Variants in PLXND1 observed in about 807,000 individuals in gnomAD.
The protein encoded by PLXND1 is plexin-D1.
In PLXND1, 54 loss-of-function variants were observed where a neutral mutation model predicts 197.7. That is an observed-to-expected ratio of 0.27 (90% CI 0.22 to 0.34). The LOEUF is 0.34. Among genes scored for constraint, PLXND1 ranks in the 10% least tolerant of loss-of-function variants. The pLI is 1.00. For missense variants in PLXND1, 2,127 were observed against 2,699.2 expected (o/e 0.79, Z 4.70); for synonymous variants, 1,180 against 1,161.2 (o/e 1.02, Z -0.33).
At chr3:129,561,405 C>CA (rs953785993) in intron 29 of PLXND1, among the ~76,000 whole-genome samples, 5 of 152,222 alleles carry the variant, frequency 3.3e-5, no homozygotes, top group Non-Finnish European at 7.4e-5. Flanking sequence ...CCTGGAACTG[C>CA]ATCCCGCCCT....
rs757881018 is a variant in PLXND1, at chr3:129,606,601, G to A, written c.39C>T (p.Ala13=). 8.3e-7 allele frequency: 1 copy of A among 1,199,836 alleles called. No homozygotes were observed. Among genetic ancestry groups the A allele is most frequent in the Non-Finnish European group, 1.0e-6 (1 of 967,976 alleles). The allele number at this position is 1,199,836 out of a possible 1,614,324, so 74.3% of individuals were successfully genotyped here. Residue 13 remains alanine (A), a synonymous_variant, in exon 1 of 36, where the codon GCC becomes GCT. Coordinates refer to ENST00000324093, the MANE Select transcript of PLXND1 (RefSeq NM_015103.3). ...PRAAGGAPLS[A]RAAAASPPPF... ...GCGGGGGGCTGGCGGCGGCGGCCCG[G>A]GCGCTAAGGGGTGCGCCGCCCGCGG... is the stretch of plus-strand genomic sequence containing the variant.
chr3:129,566,511 G>C lies in PLXND1; in HGVS notation c.4191+16C>G. 6.6e-7 allele frequency: 1 copy of C among 1,508,394 alleles called. No homozygotes were observed. Among genetic ancestry groups the C allele is most frequent in the Admixed American group, 1.7e-5 (1 of 59,878 alleles). 93.4% of individuals were successfully genotyped at this position (1,508,394 alleles called of 1,614,324 possible). A position where few individuals can be genotyped will look rare whatever the true frequency, so the allele number is the denominator to read the frequency against. The stretch of plus-strand genomic sequence containing the variant: ...CCCTGAAGCAGCCCACTGTGTGTGG[G>C]TCGTGGGGTACTCACCTTCCACTCT... On this transcript the variant is annotated intron_variant, in intron 23 of 35. Coordinates refer to ENST00000324093, the MANE Select transcript of PLXND1 (RefSeq NM_015103.3).
intron 10 of PLXND1, 85 bp downstream of exon 10, chr3:129,575,679 TAG>T: frequency 1.6e-6 from 2 of 1,223,186 alleles, no homozygotes; most frequent in Non-Finnish European, 2.4e-6. Context: ...AACCAGAAGG[TAG>T]AGAGAGGCAG....
chr3:129,604,234 A>G (rs1263461276), intron 1 of PLXND1, among the ~76,000 whole-genome samples: 1 of 150,318 alleles, frequency 6.7e-6, no homozygotes, highest in Non-Finnish European at 1.5e-5. Context: ...CCCCCAAAAC[A>G]CCCCTGTTCA....
rs1350244663 is a variant in PLXND1, at chr3:129,567,398, C to T, written c.4086+94G>A. 7 of 757,076 alleles carry T rather than the reference C, an allele frequency of 9.2e-6. No individual in the cohort carries two copies. The South Asian group carries it at 1.1e-4, about 12-fold the overall frequency. 46.9% of individuals were successfully genotyped at this position (757,076 alleles called of 1,614,324 possible). A position where few individuals can be genotyped will look rare whatever the true frequency, so the allele number is the denominator to read the frequency against. On this transcript the variant is annotated intron_variant, in intron 22 of 35. Coordinates refer to ENST00000324093, the MANE Select transcript of PLXND1 (RefSeq NM_015103.3). ...GGACAGCTGTGCAGGTTTGGCACTG[C>T]TCAAGGGACCCTATAGGCTGGCAGG...
intron 2 of PLXND1, 41 bp downstream of exon 2, chr3:129,589,310 T>TGGCCCCCCCCCC: frequency 1.0e-5 from 5 of 501,286 alleles, no homozygotes; most frequent in Non-Finnish European, 1.5e-5. Context: ...CAGGGGAGCC[T>TGGCCCCCCCCCC]CCCACCCCCA....
At position 129,577,437 on chromosome 3, in the gene PLXND1, C is replaced by T. The variant is rs1246381615; in HGVS notation, c.2346+892G>A. Among the ~76,000 whole-genome samples, 2 of 130,988 alleles carry T rather than the reference C, an allele frequency of 1.5e-5. No individual in the cohort carries two copies. Among genetic ancestry groups the T allele is most frequent in the Non-Finnish European group, 3.2e-5 (2 of 62,444 alleles). The allele number at this position is 130,988 out of a possible 152,430, so 85.9% of individuals were successfully genotyped here. A position where few individuals can be genotyped will look rare whatever the true frequency, so the allele number is the denominator to read the frequency against. ...CCAGCCCCCTGGCTGATCCTGGAGGCGCTTGCCCCAACTCCTGCAGGGTGG... is the reference window on the plus strand; with the variant it reads ...CCAGCCCCCTGGCTGATCCTGGAGGTGCTTGCCCCAACTCCTGCAGGGTGG... On this transcript the variant is annotated intron_variant, in intron 9 of 35. Coordinates refer to ENST00000324093, the MANE Select transcript of PLXND1 (RefSeq NM_015103.3). This position sits in a 1 kb window ranked among gnomAD's most constrained non-coding sequence, Gnocchi z 5.0.
intron 1 of PLXND1, among the ~76,000 whole-genome samples, chr3:129,595,358 G>A (rs1363183627): frequency 6.6e-6 from 1 of 152,230 alleles, no homozygotes; most frequent in African/African-American, 2.4e-5. Context: ...ACTCGGTCCT[G>A]GGTGGCCTCT....
chr3:129,562,991 CTA>C (rs776271383), intron 26 of PLXND1, 48 bp from the exon 27 acceptor site: 19 of 1,606,298 alleles, frequency 1.2e-5, no homozygotes, highest in Non-Finnish European at 1.6e-5. Context: ...GCTGCCATCA[CTA>C]TGTCAGTGCC....
At chr3:129,575,705 G>GT in intron 10 of PLXND1, 61 bp downstream of exon 10, 3 of 1,310,190 alleles carry the variant, frequency 2.3e-6, no homozygotes, top group Non-Finnish European at 3.3e-6. Context: ...GGGGTGAGGG[G>GT]TACAGCATCT....
chr3:129,566,734 A>C (rs2285363), intron 22 of PLXND1, 103 bp from the exon 23 acceptor site: 43,501 of 671,680 alleles, frequency 0.065, 3,066 homozygotes, highest in African/African-American at 0.27. Context: ...CTGCTGGGGG[A>C]AACTGGCACG....
chr3:129,578,431 G>GCTCT lies in PLXND1; in HGVS notation c.2242-2_2243dup (p.Ser748ArgfsTer43). ...GCAGGGTCCGGGGGCAGTCCTGAGGGCTCTGCAGAGGAAACAGAAGGAGAG... is the reference window on the plus strand; with the variant it reads ...GCAGGGTCCGGGGGCAGTCCTGAGGGCTCTCTCTGCAGAGGAAACAGAAGGAGAG... On this transcript the variant is annotated frameshift_variant and splice_region_variant, in exon 9 of 36. Coordinates refer to ENST00000324093, the MANE Select transcript of PLXND1 (RefSeq NM_015103.3). LOFTEE classifies it high-confidence loss of function. The GCTCT allele has an allele frequency of 6.3e-7, 1 of 1,577,794 alleles. No individual in the cohort carries two copies. Among genetic ancestry groups the GCTCT allele is most frequent in the Non-Finnish European group, 8.6e-7 (1 of 1,159,372 alleles).
chr3:129,583,041 A>T (rs1421202863), intron 8 of PLXND1, among the ~76,000 whole-genome samples: 3 of 152,062 alleles, frequency 2.0e-5, no homozygotes, highest in African/African-American at 7.2e-5. Flanking sequence ...GGCCCTTTCC[A>T]CCCAGTTCCT....
rs368004712 is a variant in PLXND1 at position 129,572,890 on chromosome 3, G to T, written c.2889C>A (p.Thr963=). 5.0e-6 allele frequency: 8 copies of T among 1,613,872 alleles called. No individual in the cohort carries two copies. The highest frequency in any genetic ancestry group is 1.6e-4 in the Middle Eastern group (1 of 6,062). Residue 963 remains threonine (T), a synonymous_variant, in exon 14 of 36, where the codon ACC becomes ACA. Transcript: ENST00000324093. ...ACTTGCCCTCCTTAGAGGCGTTCAC[G>T]GTCACCACACCTGAGAGTGGTCCTG... The part of the protein sequence containing the change: ...PAPGPLSGVV[T]VNASKEGKSR...
Position 129,556,183 on chromosome 3 carries a change from T to A in PLXND1, c.*129A>T. 1.4e-6 allele frequency: 1 copy of A among 733,724 alleles called. No homozygotes were observed. The highest frequency in any genetic ancestry group is 2.4e-6 in the Non-Finnish European group (1 of 418,662). 45.5% of individuals were successfully genotyped at this position (733,724 alleles called of 1,614,324 possible). A position where few individuals can be genotyped will look rare whatever the true frequency, so the allele number is the denominator to read the frequency against. ...TGTCTCAGAGAGCAGCCCCTCCTCCTGCCCCCGCCCCAGCCGTCTCTGCTC... is the reference window on the plus strand; with the variant it reads ...TGTCTCAGAGAGCAGCCCCTCCTCCAGCCCCCGCCCCAGCCGTCTCTGCTC... On this transcript the variant is annotated 3_prime_UTR_variant, in exon 36 of 36. Transcript: ENST00000324093.
At chr3:129,594,244 C>T (rs2108799722) in intron 1 of PLXND1, among the ~76,000 whole-genome samples, 1 of 152,320 alleles carries the variant, frequency 6.6e-6, no homozygotes, top group South Asian at 2.1e-4. Flanking sequence ...GTTTATGATC[C>T]TGGGAAAGTC....
chr3:129,584,464 T>G lies in PLXND1; in HGVS notation c.1950A>C (p.Pro650=), dbSNP rs776056000. The G allele has an allele frequency of 6.2e-6, 10 of 1,613,680 alleles. No homozygotes were observed. The East Asian group carries it at 2.2e-4, about 36-fold the overall frequency. ...GNNIRTVARV[P]GPAFGHQIAY... The stretch of plus-strand genomic sequence containing the variant: ...CAATCTGGTGACCAAAGGCAGGGCC[T>G]GGGACCCGAGCCACAGTGCGGATGT... Residue 650 remains proline, a synonymous_variant, in exon 6 of 36, where the codon CCA becomes CCC. Transcript: ENST00000324093.
rs2085004576 is a variant in PLXND1, at chr3:129,558,361, C to T, written c.5445+67G>A. ...GCTCAGCCTCAGAGAGTCGAGGAGG[C>T]TACCCATGGTCGGCACCCCACTCTG... On this transcript the variant is annotated intron_variant, in intron 33 of 35. Coordinates refer to ENST00000324093, the MANE Select transcript of PLXND1 (RefSeq NM_015103.3). The surrounding 1 kb of genome is among the most constrained non-coding windows in gnomAD (Gnocchi z 4.1). 1.4e-6 allele frequency: 2 copies of T among 1,475,180 alleles called. No individual in the cohort carries two copies. Among genetic ancestry groups the T allele is most frequent in the Non-Finnish European group, 1.9e-6 (2 of 1,073,476 alleles). 91.4% of individuals were successfully genotyped at this position (1,475,180 alleles called of 1,614,324 possible).
chr3:129,570,442 A>G (rs1578320462), intron 19 of PLXND1, among the ~76,000 whole-genome samples: 1 of 151,992 alleles, frequency 6.6e-6, no homozygotes, highest in Non-Finnish European at 1.5e-5. Flanking sequence ...ATGCAAGGAG[A>G]TAGTGTTCTG....
Sources: allele counts gnomAD v4.1 joint callset (sites outside exome capture counted in the v4.1 genomes callset), GRCh38; gene constraint gnomAD v4.1.1; non-coding constraint Gnocchi (gnomAD v3.1); transcripts MANE v1.5; gene names NCBI Gene and HGNC (gene_info 2026-07-23, HGNC 2026-07-21).